Variants in PTPN3 observed in about 807,000 individuals in gnomAD.
The protein encoded by PTPN3 is protein tyrosine phosphatase non-receptor type 3.
A neutral mutation model predicts 132.7 loss-of-function variants in PTPN3; 96 were observed. The ratio of observed to expected loss-of-function variants is 0.72; its 90% CI spans 0.61 to 0.86. The LOEUF (loss-of-function observed/expected upper bound fraction) is 0.86. PTPN3 is among the 40% of genes least tolerant of loss of function. The pLI is 0.00. For missense variants in PTPN3, 1,125 were observed against 1,159.6 expected (o/e 0.97, Z 0.43); for synonymous variants, 398 against 429.0 (o/e 0.93, Z 0.89).
At chr9:109,506,591 TTTTCTTTC>T in the PTPN3 span, among the ~76,000 whole-genome samples, 3 of 136,842 alleles carry the variant, frequency 2.2e-5, no homozygotes, top group Non-Finnish European at 3.1e-5. Flanking sequence ...TCTCTCTTTC[TTTTCTTTC>T]TTTCTTTCTT....
intron 1 of PTPN3, among the ~76,000 whole-genome samples, chr9:109,491,082 G>A (rs1324793916): frequency 6.6e-6 from 1 of 151,630 alleles, no homozygotes; most frequent in Non-Finnish European, 1.5e-5. Flanking sequence ...TGGAATCCCA[G>A]CTACTTGGGA....
the PTPN3 span, among the ~76,000 whole-genome samples, chr9:109,519,698 C>A: frequency 6.6e-6 from 1 of 152,196 alleles, no homozygotes; most frequent in Non-Finnish European, 1.5e-5. Context: ...CAGTGCTGTT[C>A]AGCCAGGAGA....
At chr9:109,534,435 C>G in the PTPN3 span, 2 of 1,333,058 alleles carry the variant, frequency 1.5e-6, no homozygotes, top group South Asian at 1.5e-5. Context: ...TCAGGGCTCT[C>G]TGGGGTCCGC....
At position 109,379,032 on chromosome 9, in the gene PTPN3, A is replaced by AC. The variant is rs1440326417; in HGVS notation, c.*523dup. On this transcript the variant is annotated 3_prime_UTR_variant, in exon 26 of 26. Transcript: ENST00000374541. ...GAGGTGTTGCTCAGCCTTCAGCCTG[A>AC]CCCCCAGTGCCCTGCCATCTAGTAC... 1 of 152,238 alleles carries AC rather than the reference A, an allele frequency of 6.6e-6. No individual in the cohort carries two copies. The highest frequency in any genetic ancestry group is 1.5e-5 in the Non-Finnish European group (1 of 68,334). 9.4% of individuals were successfully genotyped at this position (152,238 alleles called of 1,614,324 possible).
At chr9:109,390,814 G>A (rs1226084297) in intron 21 of PTPN3, among the ~76,000 whole-genome samples, 1 of 151,966 alleles carries the variant, frequency 6.6e-6, no homozygotes, top group Non-Finnish European at 1.5e-5. Flanking sequence ...GAAATAGACA[G>A]TTTCATCACT....
At chr9:109,456,104 G>T (rs1035384730) in intron 4 of PTPN3, among the ~76,000 whole-genome samples, 1 of 152,198 alleles carries the variant, frequency 6.6e-6, no homozygotes, top group African/African-American at 2.4e-5. Flanking sequence ...AGACGGGAGC[G>T]AAGGCCACTG....
rs943528133 is a variant in PTPN3, at chr9:109,438,208, T to C, written c.493A>G (p.Ile165Val). 3 of 1,613,152 alleles carry C rather than the reference T, an allele frequency of 1.9e-6. No individual in the cohort carries two copies. Among genetic ancestry groups the C allele is most frequent in the African/African-American group, 2.7e-5 (2 of 74,914 alleles). ...QSHFGDYNSSIHHPGYLSDSH... is the reference protein window; with the variant it reads ...QSHFGDYNSSVHHPGYLSDSH... ...TCGGAAAGATAGCCTGGATGATGTA[T>C]GGAAGAATTATAGTCTCCAAAATGA... The change falls in exon 8 of 26, where the codon ATA becomes GTA. Residue 165 changes from isoleucine to valine, a missense_variant. Coordinates refer to ENST00000374541, the MANE Select transcript of PTPN3 (RefSeq NM_002829.4).
intron 19 of PTPN3, among the ~76,000 whole-genome samples, chr9:109,393,180 C>T (rs1465697919): frequency 6.6e-6 from 1 of 152,102 alleles, no homozygotes; most frequent in Admixed American, 6.5e-5. Context: ...GCTGCTTTCT[C>T]CTACTTATTA....
the PTPN3 span, chr9:109,532,845 C>A: frequency 9.3e-7 from 1 of 1,076,132 alleles, no homozygotes; most frequent in South Asian, 2.6e-5. Flanking sequence ...CAGCCCCGCC[C>A]TGCTTAGCCT....
intron 22 of PTPN3, among the ~76,000 whole-genome samples, chr9:109,386,713 A>G (rs1839609887): frequency 6.6e-6 from 1 of 152,174 alleles, no homozygotes; most frequent in South Asian, 2.1e-4. Flanking sequence ...ACAGTACAAT[A>G]CACCTGCACA....
intron 1 of PTPN3, among the ~76,000 whole-genome samples, chr9:109,487,325 GGCAAGAGCAGGGAGGGCCCCCCTGGCC>G (rs1461594856): frequency 6.6e-6 from 1 of 152,230 alleles, no homozygotes; most frequent in Non-Finnish European, 1.5e-5. Context: ...TGGCCACTGT[GGCAAGAGCAGGGAGGGCCCCCCTGGCC>G]GCAAAGCGCA....
intron 24 of PTPN3, 69 bp downstream of exon 24, chr9:109,382,233 G>T: frequency 6.5e-7 from 1 of 1,543,648 alleles, no homozygotes; most frequent in Non-Finnish European, 8.9e-7. Context: ...TCTGGCGCCT[G>T]CCAATTGTCT....
chr9:109,514,549 G>T, the PTPN3 span, among the ~76,000 whole-genome samples: 1 of 152,176 alleles, frequency 6.6e-6, no homozygotes, highest in African/African-American at 2.4e-5. Flanking sequence ...TTGACTTTGT[G>T]GAGCTTATTG....
At chr9:109,390,335 G>A (rs1300983236) in intron 21 of PTPN3, among the ~76,000 whole-genome samples, 1 of 152,182 alleles carries the variant, frequency 6.6e-6, no homozygotes, top group Non-Finnish European at 1.5e-5. Flanking sequence ...GGCAGACCAC[G>A]TATCGCCTGA....
intron 1 of PTPN3, among the ~76,000 whole-genome samples, chr9:109,496,714 T>G (rs4978815): frequency 0.87 from 131,924 of 152,202 alleles, 57,232 homozygotes; most frequent in South Asian, 0.94. Flanking sequence ...AAAGGGGTGC[T>G]GGGGTGGCAT....
chr9:109,435,422 G>T (rs192676909), intron 9 of PTPN3, among the ~76,000 whole-genome samples: 174 of 152,326 alleles, frequency 1.1e-3, no homozygotes, highest in Non-Finnish European at 2.0e-3. Flanking sequence ...AAACATGGAG[G>T]TCACATGGAA....
At chr9:109,439,212 A>G (rs1013421479) in intron 7 of PTPN3, among the ~76,000 whole-genome samples, 2 of 152,170 alleles carry the variant, frequency 1.3e-5, no homozygotes, top group Non-Finnish European at 2.9e-5. Flanking sequence ...AGAGCAAAGG[A>G]CCAGGCTTAT....
chr9:109,392,450 A>G (rs771694901), intron 19 of PTPN3: 1 of 152,112 alleles, frequency 6.6e-6, no homozygotes, highest in Non-Finnish European at 1.5e-5. Context: ...GCAATTTCAC[A>G]ACTCTGAGAT....
At chr9:109,482,212 G>A (rs185669884) in intron 1 of PTPN3, among the ~76,000 whole-genome samples, 4 of 152,320 alleles carry the variant, frequency 2.6e-5, no homozygotes, top group Admixed American at 2.6e-4. Flanking sequence ...CCTGCTGTCA[G>A]GATATATTCA....
Sources: allele counts gnomAD v4.1 joint callset (sites outside exome capture counted in the v4.1 genomes callset), GRCh38; gene constraint gnomAD v4.1.1; transcripts MANE v1.5; gene names NCBI Gene and HGNC (gene_info 2026-07-23, HGNC 2026-07-21).